Variants in ZNF282 observed in about 807,000 individuals in gnomAD.
ZNF282 encodes the protein HTLV-I U5 repressive element-binding protein 1.
Under a neutral mutation model 61.9 loss-of-function variants are expected in ZNF282, and 30 were observed. The ratio of observed to expected loss-of-function variants is 0.48; its 90% CI spans 0.36 to 0.66. ZNF282 has a LOEUF of 0.66. ZNF282 is among the 30% of genes least tolerant of loss of function. The pLI is 0.00. For synonymous variants in ZNF282, 396 were observed against 405.0 expected (o/e 0.98, Z 0.27); for missense variants, 788 against 941.4 (o/e 0.84, Z 2.13).
chr7:149,215,540 G>A (rs1321183169), intron 7 of ZNF282, among the ~76,000 whole-genome samples: 1 of 152,130 alleles, frequency 6.6e-6, no homozygotes, highest in African/African-American at 2.4e-5. Context: ...ACGTAAGAGC[G>A]GAGGACATGG....
chr7:149,202,375 G>A (rs1364978937), intron 2 of ZNF282, among the ~76,000 whole-genome samples: 1 of 150,278 alleles, frequency 6.7e-6, no homozygotes, highest in African/African-American at 2.5e-5. Context: ...GCAGTGGTGC[G>A]AACTCGGCTC....
At chr7:149,208,889 C>T (rs768111643) in intron 4 of ZNF282, among the ~76,000 whole-genome samples, 5 of 151,604 alleles carry the variant, frequency 3.3e-5, no homozygotes, top group Admixed American at 6.6e-5. Context: ...GGTGCAGTGG[C>T]GTGCACCTGT....
chr7:149,203,806 G>A (rs1316737669), intron 2 of ZNF282, among the ~76,000 whole-genome samples: 2 of 152,186 alleles, frequency 1.3e-5, no homozygotes, highest in Middle Eastern at 3.2e-3. Context: ...TCAATAAAAC[G>A]AAGATGATAA....
intron 7 of ZNF282, among the ~76,000 whole-genome samples, chr7:149,222,049 G>T (rs1360102512): frequency 1.4e-5 from 2 of 147,902 alleles, no homozygotes; most frequent in Admixed American, 6.7e-5. Flanking sequence ...GATGGAGCGT[G>T]AGGCATGAGA....
At chr7:149,212,221 TA>T in intron 5 of ZNF282, 136 bp from the exon 6 acceptor site, 1 of 590,450 alleles carries the variant, frequency 1.7e-6, no homozygotes, top group Admixed American at 3.5e-5. Flanking sequence ...AACCTTTAGT[TA>T]ATGAGACTTA....
rs1385383952 is a variant in ZNF282 at position 149,224,110 on chromosome 7, C to T, written c.1479C>T (p.Gly493=). The T allele has an allele frequency of 4.9e-6, 7 of 1,428,676 alleles. No individual in the cohort carries two copies. The highest frequency in any genetic ancestry group is 5.5e-5 in the Admixed American group (2 of 36,232). The allele number at this position is 1,428,676 out of a possible 1,614,324, so 88.5% of individuals were successfully genotyped here. ...GCGCGGAGGCGGGGACGGGGGCAGG[C>T]GGCGGCTGTGGCAGCTGCTGCCCTG... ...GGGAEAGTGA[G]GGCGSCCPGG... Residue 493 remains glycine, a synonymous_variant, in exon 8 of 8, where the codon GGC becomes GGT. Transcript: ENST00000610704.
chr7:149,219,844 C>T (rs1215611034), intron 7 of ZNF282, among the ~76,000 whole-genome samples: 3 of 151,966 alleles, frequency 2.0e-5, no homozygotes, highest in Non-Finnish European at 2.9e-5. Context: ...AAGACTTGGT[C>T]TCAAAAACGA....
At chr7:149,222,628 A>ATTTATTT (rs1350687576) in intron 7 of ZNF282, among the ~76,000 whole-genome samples, 5 of 152,176 alleles carry the variant, frequency 3.3e-5, no homozygotes, top group African/African-American at 9.6e-5. Context: ...CTCAACAAAA[A>ATTTATTT]TTTATTTTTT....
intron 7 of ZNF282, 141 bp downstream of exon 7, chr7:149,213,955 C>A: frequency 1.7e-6 from 1 of 604,320 alleles, no homozygotes. Context: ...AGTTCTGCAC[C>A]AAAGCACTCC....
chr7:149,205,082 T>G (rs1795971903), intron 2 of ZNF282, among the ~76,000 whole-genome samples: 1 of 151,106 alleles, frequency 6.6e-6, no homozygotes, highest in East Asian at 1.9e-4. Context: ...GAGCCAAGAC[T>G]GTGCCACTGC....
intron 7 of ZNF282, 30 bp from the exon 8 acceptor site, chr7:149,223,782 T>C: frequency 6.8e-7 from 1 of 1,472,588 alleles, no homozygotes; most frequent in Admixed American, 2.5e-5. Context: ...AGAACCCCTG[T>C]CAGCATGTCA....
chr7:149,204,840 T>C lies in ZNF282; in HGVS notation c.586-1856T>C, dbSNP rs796065526. On this transcript the variant is annotated intron_variant, in intron 2 of 7. Coordinates refer to ENST00000610704, the MANE Select transcript of ZNF282 (RefSeq NM_003575.4). ...GAGAATTAAAATGAAGAAAGGGGGC[T>C]GGGCACGGTGGCTCACGCCTGTAAT... 1.0e-3 allele frequency among the ~76,000 whole-genome samples: 159 copies of C among 152,220 alleles called. 1 individual carries two copies. The highest frequency in any genetic ancestry group is 3.7e-3 in the African/African-American group (152 of 41,528).
intron 1 of ZNF282, 71 bp downstream of exon 1, chr7:149,195,825 G>A (rs1795806677): frequency 1.7e-5 from 21 of 1,241,630 alleles, no homozygotes; most frequent in Non-Finnish European, 2.1e-5. Context: ...CGCGGGACCG[G>A]GCCGCGCCGT....
intron 7 of ZNF282, among the ~76,000 whole-genome samples, chr7:149,220,733 T>G (rs1420650213): frequency 5.3e-5 from 8 of 151,284 alleles, no homozygotes; most frequent in Admixed American, 4.6e-4. Context: ...CTAGGTTACA[T>G]GCTTGCATGT....
At chr7:149,216,816 C>T (rs567341538) in intron 7 of ZNF282, among the ~76,000 whole-genome samples, 1 of 152,328 alleles carries the variant, frequency 6.6e-6, no homozygotes, top group South Asian at 2.1e-4. Flanking sequence ...CCGTTTGACT[C>T]AAAGGCAGAC....
intron 4 of ZNF282, among the ~76,000 whole-genome samples, chr7:149,209,591 A>C (rs763212651): frequency 1.3e-5 from 2 of 152,212 alleles, no homozygotes; most frequent in Non-Finnish European, 2.9e-5. Flanking sequence ...ATCACTGAGC[A>C]TGAGATAGAA....
At chr7:149,207,083 C>T (rs1392271348) in intron 3 of ZNF282, among the ~76,000 whole-genome samples, 1 of 152,150 alleles carries the variant, frequency 6.6e-6, no homozygotes, top group Non-Finnish European at 1.5e-5. Flanking sequence ...CAGCACCATT[C>T]GCACCTCACC....
intron 4 of ZNF282, among the ~76,000 whole-genome samples, chr7:149,209,942 CT>C (rs1258355939): frequency 1.3e-5 from 2 of 152,240 alleles, no homozygotes; most frequent in East Asian, 3.9e-4. Flanking sequence ...AATGTTATAA[CT>C]AAACATCATA....
chr7:149,206,976 A>T (rs568072003), intron 3 of ZNF282, among the ~76,000 whole-genome samples, 154 bp downstream of exon 3: 11 of 152,292 alleles, frequency 7.2e-5, no homozygotes, highest in African/African-American at 2.6e-4. Flanking sequence ...AGTAGGATAG[A>T]ACAGTTTACA....
Sources: gnomAD v4.1 joint callset for allele counts (sites outside exome capture counted in the v4.1 genomes callset) on GRCh38, gnomAD v4.1.1 for gene constraint, MANE v1.5 for transcripts, NCBI Gene and HGNC (gene_info 2026-07-23, HGNC 2026-07-21) for gene names.